The following CACNA1E variants were observed in gnomAD, a reference collection of about 807,000 sequenced individuals.
CACNA1E encodes calcium voltage-gated channel subunit alpha1 E.
In CACNA1E, 40 loss-of-function variants were observed where a neutral mutation model predicts 259.2. The observed-to-expected ratio is 0.15, with a 90% confidence interval of 0.12 to 0.20. CACNA1E has a LOEUF of 0.20. Among genes scored for constraint, CACNA1E ranks in the 10% least tolerant of loss-of-function variants. The pLI is 1.00. For synonymous variants in CACNA1E, 1,104 were observed against 1,138.5 expected (o/e 0.97, Z 0.61); for missense variants, 1,874 against 3,040.1 (o/e 0.62, Z 9.02).
chr1:181,410,036 C>T (rs73046122), intron 1 of CACNA1E, among the ~76,000 whole-genome samples: 7,411 of 151,864 alleles, frequency 0.049, 562 homozygotes, highest in African/African-American at 0.16. Flanking sequence ...CAGACAGACA[C>T]GAGGGAAAGG....
chr1:181,387,387 C>T (rs983172753), intron 1 of CACNA1E, among the ~76,000 whole-genome samples: 1 of 152,182 alleles, frequency 6.6e-6, no homozygotes, highest in South Asian at 2.1e-4. Flanking sequence ...AAAAAAAGGG[C>T]CTATTTCCAT....
chr1:181,394,968 A>T (rs1210597796), intron 1 of CACNA1E, among the ~76,000 whole-genome samples: 1 of 152,148 alleles, frequency 6.6e-6, no homozygotes, highest in South Asian at 2.1e-4. Flanking sequence ...TGTTACTCTA[A>T]GTGAAGGGAG....
At chr1:181,771,930 G>A in intron 36 of CACNA1E, 136 bp from the exon 37 acceptor site, 1 of 733,274 alleles carries the variant, frequency 1.4e-6, no homozygotes, top group Non-Finnish European at 2.2e-6. Context: ...GAAAGCACTA[G>A]AAGGGGTCAA....
At chr1:181,614,132 A>G (rs1188505869) in intron 6 of CACNA1E, among the ~76,000 whole-genome samples, 1 of 152,206 alleles carries the variant, frequency 6.6e-6, no homozygotes, top group Non-Finnish European at 1.5e-5. Flanking sequence ...AGATAAAAAG[A>G]TATTTCACAA....
intron 7 of CACNA1E, among the ~76,000 whole-genome samples, chr1:181,653,443 T>C (rs1352954332): frequency 6.6e-6 from 1 of 152,182 alleles, no homozygotes; most frequent in African/African-American, 2.4e-5. Context: ...CCTTCTGCCA[T>C]GATTGTGAGG....
chr1:181,615,158 A>G (rs369820841), intron 6 of CACNA1E, among the ~76,000 whole-genome samples: 30 of 152,134 alleles, frequency 2.0e-4, no homozygotes, highest in African/African-American at 6.8e-4. Flanking sequence ...TTAAAGTTTT[A>G]TACTATTTTG....
intron 1 of CACNA1E, among the ~76,000 whole-genome samples, chr1:181,509,532 C>G (rs1295038563): frequency 1.3e-5 from 2 of 152,136 alleles, no homozygotes; most frequent in Non-Finnish European, 2.9e-5. Context: ...TTGTGTTTGT[C>G]GTAACAGTAA....
chr1:181,796,439 A>C (rs910703531), intron 46 of CACNA1E, among the ~76,000 whole-genome samples: 1 of 152,154 alleles, frequency 6.6e-6, no homozygotes, highest in East Asian at 1.9e-4. Context: ...TCTTCTTATC[A>C]GGGCACTAAT....
chr1:181,444,043 C>T (rs931530433), intron 2 of CACNA1E, among the ~76,000 whole-genome samples: 1 of 152,220 alleles, frequency 6.6e-6, no homozygotes, highest in African/African-American at 2.4e-5. Context: ...CTCTGTTCTT[C>T]CTAATGCTTG....
At chr1:181,574,770 T>TA (rs1460565291) in intron 3 of CACNA1E, among the ~76,000 whole-genome samples, 1 of 152,188 alleles carries the variant, frequency 6.6e-6, no homozygotes. Flanking sequence ...CTCACACCTG[T>TA]AATCCCAGCA....
At chr1:181,655,061 T>C (rs533720283) in intron 7 of CACNA1E, among the ~76,000 whole-genome samples, 7 of 151,548 alleles carry the variant, frequency 4.6e-5, no homozygotes, top group Non-Finnish European at 8.8e-5. Flanking sequence ...CACTGTGATA[T>C]GATACCATTT....
intron 6 of CACNA1E, among the ~76,000 whole-genome samples, chr1:181,586,774 T>G (rs1188325257): frequency 6.6e-6 from 1 of 152,246 alleles, no homozygotes; most frequent in Non-Finnish European, 1.5e-5. Context: ...TATGCTTTGC[T>G]CATTTGAATC....
rs568082224 is a variant in CACNA1E, at chr1:181,795,178, T to C, written c.6208+134T>C. The C allele has an allele frequency of 4.5e-5, 33 of 730,174 alleles. No individual in the cohort carries two copies. The African/African-American group carries it at 5.9e-4, about 13-fold the overall frequency. 45.2% of individuals were successfully genotyped at this position (730,174 alleles called of 1,614,324 possible). ...GCTGAAGAAAGTGAAGGATGCTCCT[T>C]ACCAAAGGGAATTCCTGTATCTGAC... On this transcript the variant is annotated intron_variant, in intron 46 of 47. Coordinates refer to ENST00000367573, the MANE Select transcript of CACNA1E (RefSeq NM_001205293.3).
chr1:181,778,219 T>C (rs903961447), intron 38 of CACNA1E, among the ~76,000 whole-genome samples: 2 of 152,144 alleles, frequency 1.3e-5, no homozygotes, highest in African/African-American at 4.8e-5. Flanking sequence ...GCCAGTGTCT[T>C]CAAAAGGGGG....
intron 1 of CACNA1E, among the ~76,000 whole-genome samples, chr1:181,498,814 C>T (rs189968904): frequency 2.0e-5 from 3 of 152,316 alleles, no homozygotes; most frequent in Admixed American, 6.5e-5. Context: ...TGTACCCTTT[C>T]TGTGCTCAAC....
chr1:181,582,267 A>G (rs1558150639), intron 6 of CACNA1E, among the ~76,000 whole-genome samples: 1 of 152,218 alleles, frequency 6.6e-6, no homozygotes, highest in African/African-American at 2.4e-5. Context: ...AAAGCCCTGG[A>G]GGACACTCTG....
intron 11 of CACNA1E, among the ~76,000 whole-genome samples, chr1:181,717,548 C>G (rs1047611207): frequency 6.6e-6 from 1 of 152,066 alleles, no homozygotes; most frequent in Non-Finnish European, 1.5e-5. Flanking sequence ...CCTTTGGGTA[C>G]CATAAAGCCT....
chr1:181,323,600 C>G (rs1650541806), intron 1 of CACNA1E, among the ~76,000 whole-genome samples: 1 of 152,034 alleles, frequency 6.6e-6, no homozygotes, highest in African/African-American at 2.4e-5. Flanking sequence ...TTTTTGTTTG[C>G]TATATTTACT....
chr1:181,476,908 G>A (rs1202710988), intron 2 of CACNA1E, among the ~76,000 whole-genome samples: 1 of 152,142 alleles, frequency 6.6e-6, no homozygotes, highest in Non-Finnish European at 1.5e-5. Flanking sequence ...AGACAGTGAT[G>A]GGCATGGGAT....
Sources: allele counts gnomAD v4.1 joint callset (sites outside exome capture counted in the v4.1 genomes callset), GRCh38; gene constraint gnomAD v4.1.1; transcripts MANE v1.5; gene names NCBI Gene and HGNC (gene_info 2026-07-23, HGNC 2026-07-21).